The following PPP1R9A variants were observed in gnomAD, a reference collection of about 807,000 sequenced individuals.
PPP1R9A encodes neurabin-1.
In PPP1R9A, 59 loss-of-function variants were observed where a neutral mutation model predicts 141.9. The ratio of observed to expected loss-of-function variants is 0.42; its 90% CI spans 0.34 to 0.52. PPP1R9A has a LOEUF of 0.52. Among genes scored for constraint, PPP1R9A ranks in the 20% least tolerant of loss-of-function variants. PPP1R9A has a pLI of 0.10. For synonymous variants in PPP1R9A, 500 were observed against 569.7 expected, an observed-to-expected ratio of 0.88 and a Z score of 1.74; for missense variants, 1,444 against 1,611.9, an observed-to-expected ratio of 0.90 and a Z score of 1.78.
chr7:95,226,221 C>A, intron 8 of PPP1R9A, 105 bp downstream of exon 8: 1 of 1,163,740 alleles, frequency 8.6e-7, no homozygotes, highest in Non-Finnish European at 1.2e-6. Context: ...CAAATCAAAG[C>A]TTTTTAATAA....
chr7:95,132,195 G>T (rs1382720316), intron 4 of PPP1R9A, among the ~76,000 whole-genome samples: 1 of 152,098 alleles, frequency 6.6e-6, no homozygotes, highest in Admixed American at 6.6e-5. Flanking sequence ...TTACCTGATT[G>T]CTCTGGCTAG....
At position 94,917,486 on chromosome 7, in the gene PPP1R9A, A is replaced by G. The variant is rs1035131576; in HGVS notation, c.1395+5978A>G. Among the ~76,000 whole-genome samples the G allele has an allele frequency of 4.6e-5, 7 of 152,192 alleles. No individual in the cohort carries two copies. In the South Asian group the frequency reaches 8.3e-4, roughly 18 times the overall value. On this transcript the variant is annotated intron_variant, in intron 2 of 19. Coordinates refer to ENST00000433360, the MANE Select transcript of PPP1R9A (RefSeq NM_001166160.2). The stretch of plus-strand genomic sequence containing the variant: ...CAGTGATGCAGTCATGGCTCACTGC[A>G]GCCCTGACCTCTGGGGCACAAGTAA...
chr7:95,254,066 C>T (rs1799254674), intron 12 of PPP1R9A, among the ~76,000 whole-genome samples: 1 of 152,062 alleles, frequency 6.6e-6, no homozygotes, highest in Non-Finnish European at 1.5e-5. Context: ...TTCATCTGAA[C>T]CCTTTTTCTA....
chr7:94,917,438 G>A lies in PPP1R9A; in HGVS notation c.1395+5930G>A, dbSNP rs1792222489. 2.0e-5 allele frequency among the ~76,000 whole-genome samples: 3 copies of A among 152,164 alleles called. No individual in the cohort carries two copies. The South Asian group carries it at 6.2e-4, about 32-fold the overall frequency. On this transcript the variant is annotated intron_variant, in intron 2 of 19. Transcript: ENST00000433360. ...TTAATTTTTTTTGAGACAAGGTCTT[G>A]CTCTGTCACCCTGGCTGTAGTGCAG...
At chr7:95,157,855 C>G (rs761225089) in intron 4 of PPP1R9A, among the ~76,000 whole-genome samples, 17 of 152,250 alleles carry the variant, frequency 1.1e-4, no homozygotes, top group Non-Finnish European at 2.2e-4. Flanking sequence ...CTCAAATTTT[C>G]TTTGAAGGGA....
chr7:95,154,302 T>C (rs1168321213), intron 4 of PPP1R9A, among the ~76,000 whole-genome samples: 1 of 152,098 alleles, frequency 6.6e-6, no homozygotes, highest in Admixed American at 6.5e-5. Flanking sequence ...TAGTTTTAAA[T>C]TTTCTTGTAT....
intron 2 of PPP1R9A, among the ~76,000 whole-genome samples, chr7:95,081,255 C>G (rs141901684): frequency 6.0e-4 from 91 of 152,134 alleles, no homozygotes; most frequent in African/African-American, 2.0e-3. Context: ...TCCAGGCATG[C>G]AAAGAGGCAG....
At chr7:95,072,940 A>T (rs1176417214) in intron 2 of PPP1R9A, among the ~76,000 whole-genome samples, 1 of 128,194 alleles carries the variant, frequency 7.8e-6, no homozygotes, top group Non-Finnish European at 1.6e-5. Context: ...TATATATTAT[A>T]TATATTATAT....
At chr7:95,069,132 A>C (rs139547080) in intron 2 of PPP1R9A, among the ~76,000 whole-genome samples, 5 of 152,184 alleles carry the variant, frequency 3.3e-5, no homozygotes, top group Middle Eastern at 3.2e-3. Context: ...AAGCCTGTAC[A>C]TGCTCAGTAC....
At chr7:95,249,879 T>G (rs1307026346) in intron 9 of PPP1R9A, 147 bp from the exon 10 acceptor site, 1 of 1,175,208 alleles carries the variant, frequency 8.5e-7, no homozygotes, top group African/African-American at 1.6e-5. Context: ...TGTGGAATTA[T>G]AAAAATAATA....
At chr7:95,166,660 CTA>C (rs1831312514) in intron 5 of PPP1R9A, among the ~76,000 whole-genome samples, 8 of 152,142 alleles carry the variant, frequency 5.3e-5, no homozygotes. Context: ...CTGATTCTTT[CTA>C]TGAGGCAAGC....
intron 2 of PPP1R9A, among the ~76,000 whole-genome samples, chr7:95,050,587 C>CAT (rs1187803502): frequency 1.3e-5 from 2 of 152,018 alleles, no homozygotes; most frequent in African/African-American, 4.8e-5. Flanking sequence ...ATTAGCTGGG[C>CAT]GTGGTGATGC....
intron 16 of PPP1R9A, among the ~76,000 whole-genome samples, chr7:95,276,499 C>T (rs1354703738): frequency 6.6e-6 from 1 of 152,150 alleles, no homozygotes; most frequent in East Asian, 1.9e-4. Flanking sequence ...ATTTTTAAAA[C>T]TCTGGAGTCC....
At chr7:95,068,584 A>G (rs1349385677) in intron 2 of PPP1R9A, among the ~76,000 whole-genome samples, 1 of 152,126 alleles carries the variant, frequency 6.6e-6, no homozygotes, top group Admixed American at 6.6e-5. Context: ...ATGATGAAGA[A>G]ACTGAGGGTC....
chr7:95,109,118 CTATAGA>C, intron 2 of PPP1R9A, among the ~76,000 whole-genome samples: 1 of 152,128 alleles, frequency 6.6e-6, no homozygotes. Context: ...TTCCAAAAAA[CTATAGA>C]TATGTGTATG....
chr7:95,142,251 A>G (rs1020976677), intron 4 of PPP1R9A, among the ~76,000 whole-genome samples: 1 of 152,094 alleles, frequency 6.6e-6, no homozygotes, highest in African/African-American at 2.4e-5. Context: ...TCTGGACAGA[A>G]GTTTCTTATC....
intron 8 of PPP1R9A, among the ~76,000 whole-genome samples, chr7:95,237,264 C>G (rs1796833261): frequency 6.7e-6 from 1 of 149,976 alleles, no homozygotes; most frequent in South Asian, 2.1e-4. Flanking sequence ...GGTGCCGTCT[C>G]AGTTCACTGC....
chr7:95,148,307 A>G (rs1828011104), intron 4 of PPP1R9A, among the ~76,000 whole-genome samples: 1 of 152,178 alleles, frequency 6.6e-6, no homozygotes, highest in Non-Finnish European at 1.5e-5. Context: ...ATAAGCCTCT[A>G]ACCAGGCTAA....
chr7:95,247,428 A>G (rs1287741792), intron 8 of PPP1R9A, 45 bp from the exon 9 acceptor site: 2 of 1,487,640 alleles, frequency 1.3e-6, no homozygotes, highest in Admixed American at 3.4e-5. Context: ...ACAAATATAG[A>G]TACACTTTCT....
Sources: allele counts gnomAD v4.1 joint callset (sites outside exome capture counted in the v4.1 genomes callset), GRCh38; gene constraint gnomAD v4.1.1; transcripts MANE v1.5; gene names NCBI Gene and HGNC (gene_info 2026-07-23, HGNC 2026-07-21).